The following SLC39A11 variants were observed in gnomAD, a reference collection of about 807,000 sequenced individuals.
SLC39A11 encodes the protein solute carrier family 39 member 11.
SLC39A11 carries 33 observed loss-of-function variants against 36.1 expected under a neutral mutation model. The observed-to-expected ratio is 0.91, with a 90% CI of 0.69 to 1.22. The LOEUF (loss-of-function observed/expected upper bound fraction) is 1.22, where lower values mean the gene tolerates loss of function less well. SLC39A11 is among the 50% of genes most tolerant of loss of function. The pLI is 0.00. For synonymous variants in SLC39A11, 166 were observed against 170.3 expected (o/e 0.97, Z 0.20); for missense variants, 432 against 430.3 (o/e 1.00, Z -0.03).
chr17:72,897,860 G>A (rs1431904156), intron 5 of SLC39A11, among the ~76,000 whole-genome samples: 2 of 152,146 alleles, frequency 1.3e-5, no homozygotes, highest in Non-Finnish European at 2.9e-5. Context: ...GTATACTGAG[G>A]GTAGTTAAAG....
intron 5 of SLC39A11, among the ~76,000 whole-genome samples, chr17:72,870,013 CT>C (rs1198543006): frequency 6.6e-6 from 1 of 151,124 alleles, no homozygotes; most frequent in Non-Finnish European, 1.5e-5. Flanking sequence ...TTGCAGCTTG[CT>C]TTTTTTTTCT....
chr17:72,651,293 T>A (rs752347542), intron 7 of SLC39A11, among the ~76,000 whole-genome samples: 2 of 152,114 alleles, frequency 1.3e-5, no homozygotes, highest in Non-Finnish European at 2.9e-5. Context: ...GCAGGCATCA[T>A]GGGAGGTGAG....
At chr17:72,722,469 T>C (rs187542789) in intron 7 of SLC39A11, among the ~76,000 whole-genome samples, 7 of 151,584 alleles carry the variant, frequency 4.6e-5, no homozygotes, top group Admixed American at 3.3e-4. Flanking sequence ...GGTATTATTA[T>C]GCAAGGTTTT....
chr17:72,952,462 C>T (rs1305403030), intron 4 of SLC39A11, among the ~76,000 whole-genome samples: 2 of 152,258 alleles, frequency 1.3e-5, no homozygotes, highest in South Asian at 2.1e-4. Context: ...TGACATGCCC[C>T]GCATATCCCC....
intron 4 of SLC39A11, among the ~76,000 whole-genome samples, chr17:72,955,327 CT>C (rs1265335116): frequency 3.8e-5 from 1 of 26,664 alleles, no homozygotes; most frequent in Non-Finnish European, 7.7e-5. Context: ...TTGTTTGAGA[CT>C]TTCTTGTTCT....
chr17:72,902,978 T>G (rs1383270579), intron 5 of SLC39A11, among the ~76,000 whole-genome samples: 1 of 152,190 alleles, frequency 6.6e-6, no homozygotes, highest in Non-Finnish European at 1.5e-5. Context: ...GAAATTCCAT[T>G]GAAATAGGCC....
At chr17:73,036,878 C>CTATT (rs2143277898) in intron 3 of SLC39A11, among the ~76,000 whole-genome samples, 1 of 152,320 alleles carries the variant, frequency 6.6e-6, no homozygotes, top group East Asian at 1.9e-4. Context: ...TGTGCTCCAC[C>CTATT]TATTTATTCA....
chr17:72,854,955 C>T (rs1275595062), intron 5 of SLC39A11, among the ~76,000 whole-genome samples: 8 of 152,164 alleles, frequency 5.3e-5, no homozygotes, highest in Non-Finnish European at 1.0e-4. Context: ...TGGAGAAAAG[C>T]AGACACGGGT....
At chr17:72,891,273 T>G (rs996134043) in intron 5 of SLC39A11, among the ~76,000 whole-genome samples, 3 of 151,894 alleles carry the variant, frequency 2.0e-5, no homozygotes, top group African/African-American at 4.8e-5. Flanking sequence ...AATACAAAAT[T>G]AGCTGGGCGT....
chr17:72,749,263 A>G (rs534515197), intron 6 of SLC39A11, among the ~76,000 whole-genome samples: 1 of 152,262 alleles, frequency 6.6e-6, no homozygotes, highest in Admixed American at 6.5e-5. Flanking sequence ...CCACCAATGA[A>G]GCCGTGGTGT....
intron 6 of SLC39A11, among the ~76,000 whole-genome samples, chr17:72,812,633 C>T (rs2077467851): frequency 6.6e-6 from 1 of 152,160 alleles, no homozygotes; most frequent in South Asian, 2.1e-4. Flanking sequence ...GACAAGACAT[C>T]CAGTTTCTTG....
chr17:73,068,417 C>A, intron 3 of SLC39A11: 1 of 416,798 alleles, frequency 2.4e-6, no homozygotes, highest in Non-Finnish European at 4.3e-6. Flanking sequence ...AACATCACCA[C>A]CAGTACAACT....
intron 5 of SLC39A11, among the ~76,000 whole-genome samples, chr17:72,942,147 C>T (rs1179108056): frequency 2.6e-5 from 4 of 151,794 alleles, no homozygotes; most frequent in Non-Finnish European, 5.9e-5. Flanking sequence ...CCACCTGCCT[C>T]GGCCTCCCAA....
chr17:73,055,693 G>C (rs185629985), intron 3 of SLC39A11, among the ~76,000 whole-genome samples: 250 of 152,200 alleles, frequency 1.6e-3, no homozygotes, highest in Admixed American at 2.3e-3. Flanking sequence ...GGTTGGTCTT[G>C]AACTCCTGGG....
chr17:72,765,714 G>A (rs138589306), intron 6 of SLC39A11, among the ~76,000 whole-genome samples: 38 of 152,260 alleles, frequency 2.5e-4, no homozygotes, highest in African/African-American at 7.9e-4. Context: ...TTAAAATCAG[G>A]TCAATGGCGA....
At chr17:72,682,115 C>G (rs11077627) in intron 7 of SLC39A11, among the ~76,000 whole-genome samples, 1 of 144,568 alleles carries the variant, frequency 6.9e-6, no homozygotes, top group Non-Finnish European at 1.5e-5. Context: ...AAGGGACCTA[C>G]GTTGTGATGA....
chr17:72,973,316 CG>C (rs35862906), intron 4 of SLC39A11, among the ~76,000 whole-genome samples: 7 of 150,898 alleles, frequency 4.6e-5, no homozygotes. Context: ...CCAGCACTGC[CG>C]GGGGGGCACC....
intron 5 of SLC39A11, among the ~76,000 whole-genome samples, chr17:72,894,921 G>T (rs1379513094): frequency 6.6e-6 from 1 of 152,148 alleles, no homozygotes; most frequent in South Asian, 2.1e-4. Context: ...CTTTCTATGT[G>T]ATCCTATAAG....
intron 7 of SLC39A11, among the ~76,000 whole-genome samples, chr17:72,699,120 C>T (rs1294623274): frequency 2.6e-5 from 4 of 152,144 alleles, no homozygotes; most frequent in Admixed American, 6.5e-5. Flanking sequence ...TGAGCCACAG[C>T]GCCTGGCCGG....
Sources: allele counts gnomAD v4.1 joint callset (sites outside exome capture counted in the v4.1 genomes callset), GRCh38; gene constraint gnomAD v4.1.1; transcripts MANE v1.5; gene names NCBI Gene and HGNC (gene_info 2026-07-23, HGNC 2026-07-21).